Variants in EYA4 observed in about 807,000 individuals in gnomAD.
EYA4 encodes protein phosphatase EYA4.
EYA4 carries 31 observed loss-of-function variants against 87.9 expected under a neutral mutation model. That is an observed-to-expected ratio of 0.35 (90% confidence interval 0.27 to 0.48). The LOEUF (loss-of-function observed/expected upper bound fraction) is 0.48, where lower values mean the gene tolerates loss of function less well. Ranked by LOEUF, EYA4 falls within the 20% of genes least tolerant of loss-of-function variation. The pLI, the probability that EYA4 is intolerant of heterozygous loss-of-function variation, is 0.99. For missense variants in EYA4, 678 were observed against 761.4 expected (o/e 0.89, Z 1.29); for synonymous variants, 263 against 270.6 (o/e 0.97, Z 0.28).
At chr6:133,282,264 A>G (rs190661490) in intron 2 of EYA4, among the ~76,000 whole-genome samples, 1 of 152,056 alleles carries the variant, frequency 6.6e-6, no homozygotes, top group Non-Finnish European at 1.5e-5. Flanking sequence ...TTATGTTTTG[A>G]CTTGTTAATA....
At chr6:133,311,080 C>T (rs1179294543) in intron 2 of EYA4, among the ~76,000 whole-genome samples, 2 of 151,946 alleles carry the variant, frequency 1.3e-5, no homozygotes, top group Non-Finnish European at 2.9e-5. Context: ...TTGCTTATTC[C>T]CCACATACAT....
At chr6:133,370,632 A>G (rs1562340816) in intron 2 of EYA4, among the ~76,000 whole-genome samples, 2 of 152,266 alleles carry the variant, frequency 1.3e-5, no homozygotes, top group Non-Finnish European at 1.5e-5. Context: ...ACATTTCACT[A>G]CAAAACTTTT....
intron 2 of EYA4, among the ~76,000 whole-genome samples, chr6:133,305,891 A>G (rs1304797058): frequency 6.6e-6 from 1 of 152,210 alleles, no homozygotes; most frequent in Non-Finnish European, 1.5e-5. Flanking sequence ...TAAAATATGT[A>G]AGGAAAGAAG....
In EYA4 at chr6:133,294,458, TTCA is replaced by T. The variant is rs566586892; in HGVS notation, c.33+19646_33+19648del. 1.5e-4 allele frequency among the ~76,000 whole-genome samples: 22 copies of T among 151,576 alleles called. 1 individual carries two copies. The South Asian group carries it at 4.4e-3, about 30-fold the overall frequency. ...CACAGACGCAGTTATAACTCCTGGG[TTCA>T]GGTGGTCGTCCCGCCTCAGCCTCCT... On this transcript the variant is annotated intron_variant, in intron 2 of 19. Transcript: ENST00000355286.
intron 3 of EYA4, among the ~76,000 whole-genome samples, chr6:133,391,670 G>A (rs1202445826): frequency 6.6e-6 from 1 of 152,014 alleles, no homozygotes; most frequent in Non-Finnish European, 1.5e-5. Flanking sequence ...GATTTCTAGG[G>A]ACGGGAATGT....
intron 2 of EYA4, among the ~76,000 whole-genome samples, chr6:133,304,597 G>GT (rs1223493323): frequency 6.6e-6 from 1 of 152,152 alleles, no homozygotes; most frequent in Non-Finnish European, 1.5e-5. Flanking sequence ...AGGGTTATGT[G>GT]TATCATGGTA....
chr6:133,493,067 C>T (rs756760759), intron 13 of EYA4, among the ~76,000 whole-genome samples: 3 of 152,096 alleles, frequency 2.0e-5, no homozygotes, highest in Admixed American at 6.5e-5. Context: ...TATCAAAATA[C>T]TACTGACATT....
At chr6:133,424,312 C>T (rs545518293) in intron 3 of EYA4, among the ~76,000 whole-genome samples, 3 of 152,206 alleles carry the variant, frequency 2.0e-5, no homozygotes, top group Non-Finnish European at 4.4e-5. Context: ...CTCTGGTCTG[C>T]AGGACTGGCG....
intron 19 of EYA4, among the ~76,000 whole-genome samples, chr6:133,526,130 A>G (rs1394826968): frequency 1.3e-5 from 2 of 152,158 alleles, no homozygotes; most frequent in Non-Finnish European, 2.9e-5. Context: ...ATTGGCCCCC[A>G]CCACCAGACT....
chr6:133,363,655 T>G (rs1784632938), intron 2 of EYA4, among the ~76,000 whole-genome samples: 1 of 152,072 alleles, frequency 6.6e-6, no homozygotes, highest in Non-Finnish European at 1.5e-5. Flanking sequence ...TTTTGTATTT[T>G]TAGTAGAGAC....
chr6:133,296,697 GT>G (rs1264457738), intron 2 of EYA4, among the ~76,000 whole-genome samples: 4 of 151,804 alleles, frequency 2.6e-5, no homozygotes, highest in Non-Finnish European at 5.9e-5. Context: ...TGTGGGGTAG[GT>G]TTTTTTTCTC....
chr6:133,246,113 G>GA (rs1774387780), intron 1 of EYA4, among the ~76,000 whole-genome samples: 1 of 152,186 alleles, frequency 6.6e-6, no homozygotes, highest in African/African-American at 2.4e-5. Flanking sequence ...GACAGTTTCA[G>GA]AGAGTGCACC....
chr6:133,405,783 A>G (rs1039077956), intron 3 of EYA4, among the ~76,000 whole-genome samples: 3 of 151,982 alleles, frequency 2.0e-5, no homozygotes, highest in African/African-American at 7.3e-5. Context: ...AGAGAGAATG[A>G]ATGGGGGGAA....
chr6:133,529,006 A>ATATT lies in EYA4; in HGVS notation c.*204_*207dup, dbSNP rs999907409. The stretch of plus-strand genomic sequence containing the variant: ...TACAGAAAAGAAACTCTATGGTCTT[A>ATATT]TATTTACAACACTTTAATGGGTTTT... On this transcript the variant is annotated 3_prime_UTR_variant, in exon 20 of 20. Transcript: ENST00000355286. 241 of 1,391,014 alleles carry ATATT rather than the reference A, an allele frequency of 1.7e-4. 1 individual carries two copies. The African/African-American group carries it at 3.2e-3, about 18-fold the overall frequency. 86.2% of individuals were successfully genotyped at this position (1,391,014 alleles called of 1,614,324 possible).
At chr6:133,280,546 G>A (rs777628721) in intron 2 of EYA4, among the ~76,000 whole-genome samples, 21 of 152,130 alleles carry the variant, frequency 1.4e-4, no homozygotes, top group Non-Finnish European at 1.9e-4. Flanking sequence ...ACAGGCATGT[G>A]CCACGGCGCC....
rs537721957 is a variant in EYA4 at position 133,520,211 on chromosome 6, G to A, written c.1617-2845G>A. On this transcript the variant is annotated intron_variant, in intron 17 of 19. Transcript: ENST00000355286. Reference sequence around the variant, plus strand: ...AGTCAAATTGTCCCTCTTTGCAGACGACATGATTGTATATCTAGAAAACCC... The same window carrying A: ...AGTCAAATTGTCCCTCTTTGCAGACAACATGATTGTATATCTAGAAAACCC... 6.5e-3 allele frequency among the ~76,000 whole-genome samples: 979 copies of A among 151,532 alleles called. 9 individuals are homozygous for A. Among genetic ancestry groups the A allele is most frequent in the Non-Finnish European group, 0.011 (752 of 67,850 alleles).
chr6:133,370,955 G>GCACA (rs141581966), intron 2 of EYA4, among the ~76,000 whole-genome samples: 5,679 of 152,162 alleles, frequency 0.037, 317 homozygotes, highest in African/African-American at 0.13. Context: ...TGTGTACTGA[G>GCACA]CACATACTTT....
rs970846632 is a variant in EYA4 at position 133,529,163 on chromosome 6, C to T, written c.*358C>T. ...GTCTGACAAGGTGGTCAACAACATT[C>T]CTCAAAATGGGAGATCTTCTCAGCC... On this transcript the variant is annotated 3_prime_UTR_variant, in exon 20 of 20. Coordinates refer to ENST00000355286, the MANE Select transcript of EYA4 (RefSeq NM_004100.5). The T allele has an allele frequency of 1.7e-6, 2 of 1,176,346 alleles. No individual in the cohort carries two copies. Among genetic ancestry groups the T allele is most frequent in the African/African-American group, 1.6e-5 (1 of 62,562 alleles). 72.9% of individuals were successfully genotyped at this position (1,176,346 alleles called of 1,614,324 possible). A position where few individuals can be genotyped will look rare whatever the true frequency, so the allele number is the denominator to read the frequency against.
chr6:133,306,160 T>C (rs2128322757), intron 2 of EYA4, among the ~76,000 whole-genome samples: 1 of 152,304 alleles, frequency 6.6e-6, no homozygotes, highest in Non-Finnish European at 1.5e-5. Flanking sequence ...TGATGATTAG[T>C]ACAAAGTACA....
Sources: allele counts gnomAD v4.1 joint callset (sites outside exome capture counted in the v4.1 genomes callset), GRCh38; gene constraint gnomAD v4.1.1; transcripts MANE v1.5; gene names NCBI Gene and HGNC (gene_info 2026-07-23, HGNC 2026-07-21).